The following VPS45 variants were observed in gnomAD, a reference collection of about 807,000 sequenced individuals.
VPS45 encodes vacuolar protein sorting-associated protein 45.
A neutral mutation model predicts 75.9 loss-of-function variants in VPS45; 35 were observed. The observed-to-expected ratio is 0.46, with a 90% CI of 0.35 to 0.61. VPS45 has a LOEUF of 0.61. Ranked by LOEUF, VPS45 falls within the 20% of genes least tolerant of loss-of-function variation. The probability of loss-of-function intolerance (pLI) is 0.00; values close to 1 mark genes in which losing one functional copy is unlikely to be tolerated. For synonymous variants in VPS45, 220 were observed against 238.2 expected (o/e 0.92, Z 0.70); for missense variants, 559 against 685.9 (o/e 0.81, Z 2.07).
chr1:150,142,426 G>A (rs1659437890), intron 14 of VPS45, among the ~76,000 whole-genome samples: 1 of 152,160 alleles, frequency 6.6e-6, no homozygotes, highest in African/African-American at 2.4e-5. Flanking sequence ...GGCCAAAGAT[G>A]TCTGTATTTC....
At chr1:150,068,855 C>A in intron 2 of VPS45, 91 bp downstream of exon 2, 1 of 1,288,254 alleles carries the variant, frequency 7.8e-7, no homozygotes, top group Non-Finnish European at 1.0e-6. Flanking sequence ...TTTGTATTAT[C>A]ATAATTTGTG....
chr1:150,108,873 C>T (rs1657479149), intron 13 of VPS45, among the ~76,000 whole-genome samples: 2 of 152,160 alleles, frequency 1.3e-5, no homozygotes. Context: ...CACTGCTCAC[C>T]TCCTGCTGTG....
At position 150,076,153 on chromosome 1, in the gene VPS45, G is replaced by A. The variant is rs587730622; in HGVS notation, c.290-80G>A. ...CAATTTGAAGGTCACTTATTCATTAGGCTTTAACTATCAGGCCCTTTTACA... is the reference window on the plus strand; with the variant it reads ...CAATTTGAAGGTCACTTATTCATTAAGCTTTAACTATCAGGCCCTTTTACA... On this transcript the variant is annotated intron_variant, in intron 3 of 14. Transcript: ENST00000644510. 5.0e-6 allele frequency: 5 copies of A among 992,074 alleles called. No homozygotes were observed. The African/African-American group carries it at 8.4e-5, about 17-fold the overall frequency. The allele number at this position is 992,074 out of a possible 1,614,324, so 61.5% of individuals were successfully genotyped here. A position where few individuals can be genotyped will look rare whatever the true frequency, so the allele number is the denominator to read the frequency against.
At chr1:150,101,165 G>C (rs1211488123) in intron 13 of VPS45, among the ~76,000 whole-genome samples, 1 of 151,544 alleles carries the variant, frequency 6.6e-6, no homozygotes, top group Admixed American at 6.6e-5. Context: ...GCCACGGGAG[G>C]CTGAGGCAGG....
At position 150,144,624 on chromosome 1, in the gene VPS45, A is replaced by T. The variant is rs1659574670; in HGVS notation, c.1626-85A>T. 2.5e-6 allele frequency: 3 copies of T among 1,181,504 alleles called. No individual in the cohort carries two copies. In the Admixed American group the frequency reaches 7.6e-5, roughly 30 times the overall value. 73.2% of individuals were successfully genotyped at this position (1,181,504 alleles called of 1,614,324 possible). On this transcript the variant is annotated intron_variant, in intron 14 of 14. Transcript: ENST00000644510. Reference sequence around the variant, plus strand: ...TGCCTACTATTCATGATATATTTTCATCTGGTTAGATGTCCAGAGCAAGAC... The same window carrying T: ...TGCCTACTATTCATGATATATTTTCTTCTGGTTAGATGTCCAGAGCAAGAC...
chr1:150,129,433 A>G (rs1266152068), intron 14 of VPS45, among the ~76,000 whole-genome samples: 4 of 152,226 alleles, frequency 2.6e-5, no homozygotes, highest in African/African-American at 4.8e-5. Context: ...AAATCAATAT[A>G]TAATTCCTGT....
At chr1:150,098,212 A>G (rs1571859765) in intron 13 of VPS45, among the ~76,000 whole-genome samples, 1 of 152,220 alleles carries the variant, frequency 6.6e-6, no homozygotes. Flanking sequence ...CTGGATATTG[A>G]GACAGTAGTT....
At chr1:150,079,275 G>A (rs1382078605) in intron 7 of VPS45, among the ~76,000 whole-genome samples, 1 of 152,094 alleles carries the variant, frequency 6.6e-6, no homozygotes, top group African/African-American at 2.4e-5. Flanking sequence ...TACTTGCCAT[G>A]TTGTAGCTTT....
intron 10 of VPS45, among the ~76,000 whole-genome samples, chr1:150,090,950 C>T (rs1656293532): frequency 6.6e-6 from 1 of 152,202 alleles, no homozygotes; most frequent in South Asian, 2.1e-4. Context: ...GCAGAACACA[C>T]TTCTGTAGGA....
intron 10 of VPS45, among the ~76,000 whole-genome samples, chr1:150,083,465 A>G (rs1553799967): frequency 6.6e-6 from 1 of 151,962 alleles, no homozygotes; most frequent in African/African-American, 2.4e-5. Flanking sequence ...CAGCAATTGT[A>G]ATACCAAGCA....
intron 14 of VPS45, among the ~76,000 whole-genome samples, chr1:150,142,333 C>CA (rs770170547): frequency 4.0e-5 from 6 of 151,002 alleles, no homozygotes; most frequent in Non-Finnish European, 7.4e-5. Flanking sequence ...TGTTATTGTT[C>CA]AAAAAAAAAT....
At chr1:150,135,161 A>G (rs1432780553) in intron 14 of VPS45, among the ~76,000 whole-genome samples, 3 of 152,210 alleles carry the variant, frequency 2.0e-5, no homozygotes, top group Non-Finnish European at 4.4e-5. Flanking sequence ...GTAGAATTAA[A>G]TAATTTAACT....
intron 7 of VPS45, among the ~76,000 whole-genome samples, chr1:150,078,158 T>C (rs782135298): frequency 6.6e-6 from 1 of 152,236 alleles, no homozygotes; most frequent in African/African-American, 2.4e-5. Context: ...CTACTTTTTA[T>C]TTCTTCTCAC....
intron 3 of VPS45, among the ~76,000 whole-genome samples, chr1:150,073,387 GAA>G (rs1168950446): frequency 3.1e-4 from 47 of 152,120 alleles, no homozygotes; most frequent in African/African-American, 1.1e-3. Context: ...TAACATTTGC[GAA>G]AAGACTATAT....
intron 14 of VPS45, among the ~76,000 whole-genome samples, chr1:150,120,646 TA>T (rs1553809377): frequency 1.3e-5 from 2 of 152,180 alleles, no homozygotes; most frequent in Non-Finnish European, 2.9e-5. Context: ...TTTGCGATAA[TA>T]TTTTTTAGTG....
In VPS45 at chr1:150,124,743, G is replaced by A. The variant is rs1168844122; in HGVS notation, c.1625+14116G>A. 2.1e-5 allele frequency among the ~76,000 whole-genome samples: 3 copies of A among 143,822 alleles called. No individual in the cohort carries two copies. The Admixed American group carries it at 2.1e-4, about 10-fold the overall frequency. The allele number at this position is 143,822 out of a possible 152,430, so 94.4% of individuals were successfully genotyped here. ...TTTTTTTTTTTTTGTATTTTTAGTA[G>A]AGATGGGGTTTCACCATGTTGGCCA... On this transcript the variant is annotated intron_variant, in intron 14 of 14. Coordinates refer to ENST00000644510, the MANE Select transcript of VPS45 (RefSeq NM_007259.5).
intron 14 of VPS45, chr1:150,142,796 C>G: frequency 2.3e-6 from 1 of 439,072 alleles, no homozygotes; most frequent in Non-Finnish European, 4.6e-6. Flanking sequence ...TCCCAAGTAG[C>G]TGGGACTACA....
chr1:150,144,905 A>C lies in VPS45; in HGVS notation c.*109A>C. On this transcript the variant is annotated 3_prime_UTR_variant, in exon 15 of 15. Transcript: ENST00000644510. ...CTTTGGGTTCTGTGCTGGTTGTTAG[A>C]ACTCATCTCCAGGTAGCCCACGGAT... is the stretch of plus-strand genomic sequence containing the variant. The C allele has an allele frequency of 3.2e-6, 5 of 1,566,318 alleles. No homozygotes were observed. The highest frequency in any genetic ancestry group is 4.3e-6 in the Non-Finnish European group (5 of 1,159,186).
intron 14 of VPS45, among the ~76,000 whole-genome samples, chr1:150,130,218 T>TTTTTTGG (rs1658757587): frequency 6.7e-6 from 1 of 149,562 alleles, no homozygotes; most frequent in African/African-American, 2.5e-5. Context: ...TTTTTTTTTT[T>TTTTTTGG]GAGAGACAAG....
Sources: allele counts gnomAD v4.1 joint callset (sites outside exome capture counted in the v4.1 genomes callset), GRCh38; gene constraint gnomAD v4.1.1; transcripts MANE v1.5; gene names NCBI Gene and HGNC (gene_info 2026-07-23, HGNC 2026-07-21).